CCT5: variants seen among roughly 807,000 people sequenced by gnomAD.
The protein encoded by CCT5 is T-complex protein 1 subunit epsilon.
A neutral mutation model predicts 55.0 loss-of-function variants in CCT5; 6 were observed. The ratio of observed to expected loss-of-function variants is 0.11; its 90% CI spans 0.06 to 0.22. The LOEUF (loss-of-function observed/expected upper bound fraction) is 0.22. Among genes scored for constraint, CCT5 ranks in the 10% least tolerant of loss-of-function variants. CCT5 has a pLI of 1.00. For synonymous variants in CCT5, 231 were observed against 243.7 expected (o/e 0.95, Z 0.49); for missense variants, 560 against 694.6 (o/e 0.81, Z 2.18).
Position 10,258,594 on chromosome 5 carries a change from G to C in CCT5, c.873+59G>C, listed in dbSNP as rs975192435. 8.1e-6 allele frequency: 12 copies of C among 1,485,160 alleles called. No homozygotes were observed. The African/African-American group carries it at 1.1e-4, about 14-fold the overall frequency. 92.0% of individuals were successfully genotyped at this position (1,485,160 alleles called of 1,614,324 possible). A position where few individuals can be genotyped will look rare whatever the true frequency, so the allele number is the denominator to read the frequency against. On this transcript the variant is annotated intron_variant, in intron 6 of 10. Coordinates refer to ENST00000280326, the MANE Select transcript of CCT5 (RefSeq NM_012073.5). ...ACTCCCAAAGGGTACAGTTAGTTAGGTTTGGTTAGTAAATATGTGTAGTCT... is the reference window on the plus strand; with the variant it reads ...ACTCCCAAAGGGTACAGTTAGTTAGCTTTGGTTAGTAAATATGTGTAGTCT...
Position 10,250,315 on chromosome 5 carries a change from G to T in CCT5, c.-26G>T. 3.1e-6 allele frequency: 5 copies of T among 1,613,878 alleles called. No individual in the cohort carries two copies. Among genetic ancestry groups the T allele is most frequent in the Non-Finnish European group, 4.2e-6 (5 of 1,180,022 alleles). Reference sequence around the variant, plus strand: ...TTCCGTAGCGGTCTCCGCCGGTTGGGGGGAAGTAATTCCGGTTGTTGCACC... The same window carrying T: ...TTCCGTAGCGGTCTCCGCCGGTTGGTGGGAAGTAATTCCGGTTGTTGCACC... On this transcript the variant is annotated 5_prime_UTR_variant, in exon 1 of 11. Transcript: ENST00000280326.
At chr5:10,254,905 C>A in intron 3 of CCT5, 67 bp downstream of exon 3, 1 of 1,348,814 alleles carries the variant, frequency 7.4e-7, no homozygotes, top group Non-Finnish European at 1.1e-6. Context: ...GCTAACATGC[C>A]TGCTGAGATT....
chr5:10,260,737 A>T (rs993553637), intron 6 of CCT5, 55 bp from the exon 7 acceptor site: 1 of 1,602,304 alleles, frequency 6.2e-7, no homozygotes, highest in South Asian at 1.1e-5. Flanking sequence ...AAACATTGTA[A>T]TGAAGAATAA....
intron 1 of CCT5, among the ~76,000 whole-genome samples, chr5:10,253,029 A>G (rs1422510346): frequency 6.6e-6 from 1 of 152,044 alleles, no homozygotes; most frequent in African/African-American, 2.4e-5. Context: ...TACCTTCCTT[A>G]AGAGGGCCAG....
In CCT5 at chr5:10,250,318, G is replaced by GA. The variant is rs201209730; in HGVS notation, c.-21dup. On this transcript the variant is annotated 5_prime_UTR_variant, in exon 1 of 11. Coordinates refer to ENST00000280326, the MANE Select transcript of CCT5 (RefSeq NM_012073.5). ...CGTAGCGGTCTCCGCCGGTTGGGGGGAAGTAATTCCGGTTGTTGCACCATG... is the reference window on the plus strand; with the variant it reads ...CGTAGCGGTCTCCGCCGGTTGGGGGGAAAGTAATTCCGGTTGTTGCACCATG... 14 of 1,613,594 alleles carry GA rather than the reference G, an allele frequency of 8.7e-6. No individual in the cohort carries two copies. Among genetic ancestry groups the GA allele is most frequent in the African/African-American group, 1.3e-5 (1 of 74,890 alleles).
intron 1 of CCT5, among the ~76,000 whole-genome samples, chr5:10,253,260 C>T (rs1342707575): frequency 6.6e-6 from 1 of 150,994 alleles, no homozygotes; most frequent in East Asian, 2.0e-4. Context: ...ACCCGGGAGG[C>T]GGAGGTTGCA....
chr5:10,250,347 T>A lies in CCT5; in HGVS notation c.7T>A (p.Ser3Thr), dbSNP rs751068629. The part of the protein sequence containing the change: MA[S>T]MGTLAFDEYG... ...TAATTCCGGTTGTTGCACCATGGCG[T>A]CCATGGGGACCCTCGCCTTCGATGA... Residue 3 changes from serine (S) to threonine (T), a missense_variant, in exon 1 of 11, where the codon TCC (serine) becomes ACC (threonine). Physicochemically the swap from Ser to Thr is moderately conservative, Grantham distance 58. Coordinates refer to ENST00000280326, the MANE Select transcript of CCT5 (RefSeq NM_012073.5). The A allele has an allele frequency of 6.2e-7, 1 of 1,614,032 alleles. No homozygotes were observed. The highest frequency in any genetic ancestry group is 1.6e-4 in the Middle Eastern group (1 of 6,062).
At chr5:10,257,008 T>G (rs886366280) in intron 4 of CCT5, among the ~76,000 whole-genome samples, 7 of 152,304 alleles carry the variant, frequency 4.6e-5, no homozygotes, top group African/African-American at 1.4e-4. Context: ...GCCAAAGACT[T>G]AAGGTCTGTT....
chr5:10,259,955 G>A (rs1745875363), intron 6 of CCT5, among the ~76,000 whole-genome samples: 1 of 152,232 alleles, frequency 6.6e-6, no homozygotes, highest in South Asian at 2.1e-4. Flanking sequence ...TGAGGAGCAA[G>A]AAGGACCCTC....
intron 3 of CCT5, among the ~76,000 whole-genome samples, chr5:10,255,225 T>C (rs892173657): frequency 3.9e-5 from 6 of 152,248 alleles, no homozygotes; most frequent in African/African-American, 1.4e-4. Context: ...CTCAGCTGTA[T>C]ACCTAAATAC....
chr5:10,258,658 T>G (rs1261876180), intron 6 of CCT5, 123 bp downstream of exon 6: 3 of 910,148 alleles, frequency 3.3e-6, no homozygotes, highest in Non-Finnish European at 3.5e-6. Flanking sequence ...AAAACCAAAT[T>G]GCATAGAAAG....
In CCT5 at chr5:10,266,276, G is replaced by A. The variant is rs896216431; in HGVS notation, c.*1493G>A. 4.6e-5 allele frequency: 7 copies of A among 152,206 alleles called. No individual in the cohort carries two copies. The highest frequency in any genetic ancestry group is 1.7e-4 in the African/African-American group (7 of 41,454). 9.4% of individuals were successfully genotyped at this position (152,206 alleles called of 1,614,324 possible). Reference sequence around the variant, plus strand: ...CCCCTTTCCAAAATTGAACCTCACAGACGTTCCTGTTTTTTGTGATTGAGA... The same window carrying A: ...CCCCTTTCCAAAATTGAACCTCACAAACGTTCCTGTTTTTTGTGATTGAGA... On this transcript the variant is annotated 3_prime_UTR_variant, in exon 11 of 11. Coordinates refer to ENST00000280326, the MANE Select transcript of CCT5 (RefSeq NM_012073.5).
At chr5:10,255,766 C>G (rs1040127978) in intron 3 of CCT5, among the ~76,000 whole-genome samples, 189 bp from the exon 4 acceptor site, 2 of 152,166 alleles carry the variant, frequency 1.3e-5, no homozygotes, top group African/African-American at 2.4e-5. Flanking sequence ...GGACACATGT[C>G]CTATTCGACC....
At chr5:10,254,392 C>CTTTTT (rs57187607) in intron 2 of CCT5, 187 bp downstream of exon 2, 5 of 516,362 alleles carry the variant, frequency 9.7e-6, no homozygotes, top group East Asian at 9.5e-5. Flanking sequence ...TAGGTCGGAC[C>CTTTTT]TTTTTTTTTT....
At chr5:10,263,511 C>T (rs1387539187) in intron 10 of CCT5, among the ~76,000 whole-genome samples, 197 bp downstream of exon 10, 1 of 152,212 alleles carries the variant, frequency 6.6e-6, no homozygotes, top group Non-Finnish European at 1.5e-5. Flanking sequence ...ACATGAGACT[C>T]ATTGTAATAA....
At chr5:10,263,351 GAT>G (rs1491399132) in intron 10 of CCT5, 37 bp downstream of exon 10, 21 of 106,986 alleles carry the variant, frequency 2.0e-4, no homozygotes, top group African/African-American at 6.0e-4. Flanking sequence ...GAGGGGGGGG[GAT>G]GTCTGATTTA....
rs1177337312 is a variant in CCT5, at chr5:10,256,079, C to T, written c.456C>T (p.Ser152=). 1.9e-6 allele frequency: 3 copies of T among 1,613,938 alleles called. No individual in the cohort carries two copies. Among genetic ancestry groups the T allele is most frequent in the African/African-American group, 2.7e-5 (2 of 74,920 alleles). ...RVAIEHLDKI[S]DSVLVDIKDT... is the part of the protein sequence containing the mutation. ...CTATTGAACACCTGGACAAGATCAGCGATAGCGTCCTTGTTGACATAAAGG... is the reference window on the plus strand; with the variant it reads ...CTATTGAACACCTGGACAAGATCAGTGATAGCGTCCTTGTTGACATAAAGG... The change falls in exon 4 of 11, where the codon AGC becomes AGT. Residue 152 remains serine, a synonymous_variant. Coordinates refer to ENST00000280326, the MANE Select transcript of CCT5 (RefSeq NM_012073.5).
intron 6 of CCT5, 99 bp from the exon 7 acceptor site, chr5:10,260,693 C>T: frequency 7.6e-7 from 1 of 1,312,562 alleles, no homozygotes; most frequent in East Asian, 2.3e-5. Context: ...TTGAGTGCAC[C>T]TGCCTTACAC....
At chr5:10,257,190 T>C (rs550829145) in intron 4 of CCT5, among the ~76,000 whole-genome samples, 41 of 152,296 alleles carry the variant, frequency 2.7e-4, no homozygotes, top group African/African-American at 9.1e-4. Context: ...TTCTGTTGCC[T>C]TTTCCCCTGA....
Sources: gnomAD v4.1 joint callset for allele counts (sites outside exome capture counted in the v4.1 genomes callset) on GRCh38, gnomAD v4.1.1 for gene constraint, MANE v1.5 for transcripts, NCBI Gene and HGNC (gene_info 2026-07-23, HGNC 2026-07-21) for gene names.